KCNMA1: variants seen among roughly 807,000 people sequenced by gnomAD.
The protein encoded by KCNMA1 is Calcium-activated potassium channel subunit alpha-1.
Under a neutral mutation model 140.0 loss-of-function variants are expected in KCNMA1, and 29 were observed. The observed-to-expected ratio is 0.21, with a 90% CI of 0.15 to 0.28. The LOEUF is 0.28. Ranked by LOEUF, KCNMA1 falls within the 10% of genes least tolerant of loss-of-function variation. KCNMA1 has a pLI of 1.00. For synonymous variants in KCNMA1, 612 were observed against 611.9 expected (o/e 1.00, Z 0.00); for missense variants, 880 against 1,602.2 (o/e 0.55, Z 7.70).
intron 1 of KCNMA1, among the ~76,000 whole-genome samples, chr10:77,575,848 T>C (rs2073895164): frequency 6.6e-6 from 1 of 152,214 alleles, no homozygotes; most frequent in Non-Finnish European, 1.5e-5. Context: ...CCAGTTAAAA[T>C]AGAGCCCTGG....
intron 2 of KCNMA1, among the ~76,000 whole-genome samples, chr10:77,359,398 T>C (rs191228766): frequency 1.4e-4 from 22 of 152,292 alleles, no homozygotes; most frequent in African/African-American, 4.8e-4. Context: ...TCAGTGAGGA[T>C]GACAGATGTC....
At chr10:77,133,744 A>T (rs915791437) in intron 5 of KCNMA1, among the ~76,000 whole-genome samples, 1 of 152,280 alleles carries the variant, frequency 6.6e-6, no homozygotes, top group African/African-American at 2.4e-5. Context: ...ATCTATATGT[A>T]TCTGAATGGA....
intron 1 of KCNMA1, among the ~76,000 whole-genome samples, chr10:77,428,802 T>G (rs951364849): frequency 2.6e-5 from 4 of 152,154 alleles, no homozygotes; most frequent in African/African-American, 9.7e-5. Context: ...TTTTAAAACT[T>G]CATAAAGATG....
rs111786030 is a variant in KCNMA1, at chr10:77,440,594, G to T, written c.379-36571C>A. Among the ~76,000 whole-genome samples, 241 of 152,308 alleles carry T rather than the reference G, an allele frequency of 1.6e-3. 2 individuals carry two copies. Among genetic ancestry groups the T allele is most frequent in the African/African-American group, 4.6e-3 (190 of 41,564 alleles). ...AATTCTTTGAGATAATAGTGGGAAAGATGCTGCCAGGGAGAACATGATTAA... is the reference window on the plus strand; with the variant it reads ...AATTCTTTGAGATAATAGTGGGAAATATGCTGCCAGGGAGAACATGATTAA... On this transcript the variant is annotated intron_variant, in intron 1 of 27. Transcript: ENST00000286628.
rs1226557237 is a variant in KCNMA1 at position 77,113,324 on chromosome 10, T to G, written c.885-882A>C. Among the ~76,000 whole-genome samples the G allele has an allele frequency of 2.0e-5, 3 of 152,238 alleles. No homozygotes were observed. In the East Asian group the frequency reaches 5.8e-4, roughly 29 times the overall value. On this transcript the variant is annotated intron_variant, in intron 6 of 27. Transcript: ENST00000286628. Reference sequence around the variant, plus strand: ...AACAGGCAGCCGGCATGGGCTATAGTTTGCCAATCCCAGCTTCAGTCCCTT... The same window carrying G: ...AACAGGCAGCCGGCATGGGCTATAGGTTGCCAATCCCAGCTTCAGTCCCTT...
rs114764546 is a variant in KCNMA1, at chr10:77,432,502, A to G, written c.379-28479T>C. Among the ~76,000 whole-genome samples the G allele has an allele frequency of 3.9e-3, 592 of 152,328 alleles. 2 individuals are homozygous for G. The highest frequency in any genetic ancestry group is 0.013 in the African/African-American group (551 of 41,562). ...TGAGCTTTGGAGTCACTGTCACAGC[A>G]ACAAGCCAACTGGCATGCAGAAATG... On this transcript the variant is annotated intron_variant, in intron 1 of 27. Transcript: ENST00000286628.
intron 24 of KCNMA1, chr10:76,913,795 C>T (rs2152422935): frequency 2.2e-6 from 1 of 447,278 alleles, no homozygotes; most frequent in African/African-American, 2.0e-5. Context: ...TGAATTAGAG[C>T]AAATATGCTT....
At chr10:77,561,666 G>A (rs1009489338) in intron 1 of KCNMA1, among the ~76,000 whole-genome samples, 2 of 152,136 alleles carry the variant, frequency 1.3e-5, no homozygotes, top group African/African-American at 2.4e-5. Flanking sequence ...GGGTAAGGCA[G>A]GTCCATGACC....
At chr10:77,572,030 G>T (rs759475108) in intron 1 of KCNMA1, among the ~76,000 whole-genome samples, 5 of 152,116 alleles carry the variant, frequency 3.3e-5, no homozygotes, top group African/African-American at 9.7e-5. Context: ...CAATTGAGGA[G>T]CATCTGAAAT....
chr10:77,519,452 T>A (rs182793221), intron 1 of KCNMA1, among the ~76,000 whole-genome samples: 1 of 152,200 alleles, frequency 6.6e-6, no homozygotes, highest in Non-Finnish European at 1.5e-5. Context: ...ATAAAAGGCG[T>A]AGGACCCACG....
intron 2 of KCNMA1, among the ~76,000 whole-genome samples, chr10:77,401,719 G>C (rs1459350388): frequency 3.9e-5 from 6 of 152,142 alleles, no homozygotes; most frequent in African/African-American, 1.4e-4. Flanking sequence ...GTTTAAGCCT[G>C]GATATGTTTT....
At chr10:77,634,081 A>G (rs774845623) in intron 1 of KCNMA1, 1 of 863,206 alleles carries the variant, frequency 1.2e-6, no homozygotes, top group South Asian at 5.3e-5. Context: ...TTTTATACAC[A>G]AGGAAAGATA....
chr10:77,141,041 C>G (rs1370034363), intron 5 of KCNMA1, among the ~76,000 whole-genome samples: 1 of 152,074 alleles, frequency 6.6e-6, no homozygotes, highest in African/African-American at 2.4e-5. Context: ...TGATGCCCAA[C>G]AAGAAAGAAA....
chr10:76,930,087 T>C (rs1329231979), intron 23 of KCNMA1: 2 of 152,110 alleles, frequency 1.3e-5, no homozygotes, highest in Middle Eastern at 3.2e-3. Context: ...TTCTTGGATA[T>C]GACACCAAAA....
chr10:77,354,002 G>GGT, intron 2 of KCNMA1, among the ~76,000 whole-genome samples: 1 of 142,918 alleles, frequency 7.0e-6, no homozygotes, highest in African/African-American at 2.7e-5. Flanking sequence ...GGAGGGGTGG[G>GGT]GATGGAGTCT....
chr10:77,504,752 C>T (rs1232010172), intron 1 of KCNMA1, among the ~76,000 whole-genome samples: 1 of 152,080 alleles, frequency 6.6e-6, no homozygotes, highest in African/African-American at 2.4e-5. Flanking sequence ...CATGAGTCAC[C>T]ATGTCCAGCC....
chr10:77,556,520 A>G (rs2064502583), intron 1 of KCNMA1, among the ~76,000 whole-genome samples: 1 of 151,270 alleles, frequency 6.6e-6, no homozygotes, highest in African/African-American at 2.4e-5. Flanking sequence ...AAAAAAAAAA[A>G]AAAAAAGGGA....
At chr10:77,106,503 A>C (rs1340279671) in intron 9 of KCNMA1, among the ~76,000 whole-genome samples, 1 of 151,746 alleles carries the variant, frequency 6.6e-6, no homozygotes, top group Non-Finnish European at 1.5e-5. Flanking sequence ...CCCACCCACC[A>C]GCTCACCCAC....
intron 1 of KCNMA1, among the ~76,000 whole-genome samples, chr10:77,530,025 C>A (rs2057203067): frequency 6.6e-6 from 1 of 152,228 alleles, no homozygotes; most frequent in Non-Finnish European, 1.5e-5. Context: ...TAATAATGTT[C>A]AACACCACAG....
Sources: allele counts gnomAD v4.1 joint callset (sites outside exome capture counted in the v4.1 genomes callset), GRCh38; gene constraint gnomAD v4.1.1; transcripts MANE v1.5; gene names NCBI Gene and HGNC (gene_info 2026-07-23, HGNC 2026-07-21).